The following LAMA2 variants were observed in gnomAD, a reference collection of about 807,000 sequenced individuals.
The protein encoded by LAMA2 is laminin subunit alpha 2.
A neutral mutation model predicts 364.8 loss-of-function variants in LAMA2; 269 were observed. The observed-to-expected ratio is 0.74, with a 90% confidence interval of 0.67 to 0.82. The LOEUF (loss-of-function observed/expected upper bound fraction) is 0.82. Among genes scored for constraint, LAMA2 ranks in the 40% least tolerant of loss-of-function variants. LAMA2 has a pLI of 0.00. For synonymous variants in LAMA2, 1,379 were observed against 1,370.6 expected, an observed-to-expected ratio of 1.01 and a Z score of -0.14; for missense variants, 3,807 against 3,873.2, an observed-to-expected ratio of 0.98 and a Z score of 0.45.
At chr6:129,192,570 G>GT (rs1052866176) in intron 11 of LAMA2, 110 bp from the exon 12 acceptor site, 169 of 1,028,574 alleles carry the variant, frequency 1.6e-4, no homozygotes, top group Middle Eastern at 8.4e-4. Flanking sequence ...TTGTGGTTTG[G>GT]TTTTTTTTGT....
intron 1 of LAMA2, among the ~76,000 whole-genome samples, chr6:128,938,972 A>G (rs1779999018): frequency 6.6e-6 from 1 of 152,164 alleles, no homozygotes; most frequent in Non-Finnish European, 1.5e-5. Flanking sequence ...CTTTCCACTT[A>G]GACTTTCACT....
At chr6:129,347,775 A>G (rs1198400175) in intron 30 of LAMA2, among the ~76,000 whole-genome samples, 1 of 152,184 alleles carries the variant, frequency 6.6e-6, no homozygotes, top group African/African-American at 2.4e-5. Flanking sequence ...AGTGAGATGG[A>G]ATCCCTACTC....
At chr6:129,455,496 C>T (rs1782913567) in intron 47 of LAMA2, among the ~76,000 whole-genome samples, 1 of 151,974 alleles carries the variant, frequency 6.6e-6, no homozygotes, top group Non-Finnish European at 1.5e-5. Context: ...CTTTTGTTAC[C>T]ATGTATTTCA....
At chr6:129,289,049 A>G (rs1206219800) in intron 19 of LAMA2, among the ~76,000 whole-genome samples, 1 of 152,206 alleles carries the variant, frequency 6.6e-6, no homozygotes, top group African/African-American at 2.4e-5. Flanking sequence ...TCATTAAGAA[A>G]TGTGTCTCTC....
chr6:129,251,040 T>TTC (rs66896334), intron 13 of LAMA2, among the ~76,000 whole-genome samples: 1,187 of 60,976 alleles, frequency 0.019, 18 homozygotes, highest in African/African-American at 0.032. Flanking sequence ...GTCTCTCTCT[T>TTC]TCTCTCTCTC....
chr6:129,335,574 A>C (rs551049708), intron 29 of LAMA2, among the ~76,000 whole-genome samples: 3 of 152,276 alleles, frequency 2.0e-5, no homozygotes, highest in African/African-American at 7.2e-5. Flanking sequence ...TTTAAAAAGA[A>C]AATAATAAAA....
intron 3 of LAMA2, among the ~76,000 whole-genome samples, chr6:129,079,025 C>T (rs1453722737): frequency 6.6e-6 from 1 of 152,112 alleles, no homozygotes; most frequent in Non-Finnish European, 1.5e-5. Context: ...TAAGTAGACT[C>T]ACACACACGT....
rs560667366 is a variant in LAMA2, at chr6:128,972,084, G to C, written c.113-77834G>C. On this transcript the variant is annotated intron_variant, in intron 1 of 64. Coordinates refer to ENST00000421865, the MANE Select transcript of LAMA2 (RefSeq NM_000426.4). ...TAGGTGCATAGAATGTTAGGTGTGA[G>C]AGGGGAGACCAGCCTGTTGGAAAGT... Among the ~76,000 whole-genome samples, 6 of 152,348 alleles carry C rather than the reference G, an allele frequency of 3.9e-5. No individual in the cohort carries two copies. The East Asian group carries it at 1.2e-3, about 29-fold the overall frequency.
intron 41 of LAMA2, among the ~76,000 whole-genome samples, chr6:129,435,215 T>A (rs1583742402): frequency 6.6e-6 from 1 of 152,176 alleles, no homozygotes; most frequent in African/African-American, 2.4e-5. Flanking sequence ...AACATTTGAA[T>A]GCTCCATTAT....
chr6:128,885,296 T>A (rs1209007980), intron 1 of LAMA2, among the ~76,000 whole-genome samples: 1 of 152,208 alleles, frequency 6.6e-6, no homozygotes, highest in African/African-American at 2.4e-5. Flanking sequence ...TGGATAGTGA[T>A]TTATGATTTA....
chr6:129,158,084 G>A lies in LAMA2; in HGVS notation c.1206+3401G>A, dbSNP rs142477933. On this transcript the variant is annotated intron_variant, in intron 8 of 64. Coordinates refer to ENST00000421865, the MANE Select transcript of LAMA2 (RefSeq NM_000426.4). ...TTCCTTGGGTGCCATACGTTTCTGTGTGCAGGTGGCACAGACCACAGGCAG... is the reference window on the plus strand; with the variant it reads ...TTCCTTGGGTGCCATACGTTTCTGTATGCAGGTGGCACAGACCACAGGCAG... 311 of 1,612,202 alleles carry A rather than the reference G, an allele frequency of 1.9e-4. 2 individuals are homozygous for A. The East Asian group carries it at 6.8e-3, about 35-fold the overall frequency.
At chr6:129,091,621 T>G (rs1420467454) in intron 3 of LAMA2, among the ~76,000 whole-genome samples, 1 of 152,192 alleles carries the variant, frequency 6.6e-6, no homozygotes, top group Non-Finnish European at 1.5e-5. Flanking sequence ...CAGTGACAAT[T>G]ACAAATCGTT....
intron 22 of LAMA2, among the ~76,000 whole-genome samples, chr6:129,308,697 TACCTGAG>T (rs1774030214): frequency 6.6e-6 from 1 of 152,080 alleles, no homozygotes; most frequent in Non-Finnish European, 1.5e-5. Flanking sequence ...TATAAAGAAA[TACCTGAG>T]ACTGATTATA....
At chr6:129,380,064 G>C (rs1778594675) in intron 34 of LAMA2, among the ~76,000 whole-genome samples, 1 of 152,078 alleles carries the variant, frequency 6.6e-6, no homozygotes, top group Non-Finnish European at 1.5e-5. Context: ...ATATGGCAAA[G>C]CACCTAACAA....
chr6:129,264,399 C>G lies in LAMA2; in HGVS notation c.2209-2707C>G, dbSNP rs1054647864. On this transcript the variant is annotated intron_variant, in intron 15 of 64. Transcript: ENST00000421865. ...GTTGGTGTGTGTGGGGGGGTGGGGG[C>G]ATGGAATCCATAGTCCAGTTTAGAA... Among the ~76,000 whole-genome samples the G allele has an allele frequency of 3.3e-5, 5 of 151,438 alleles. No homozygotes were observed. The East Asian group carries it at 9.7e-4, about 29-fold the overall frequency.
At chr6:129,216,100 G>A (rs569471494) in intron 12 of LAMA2, among the ~76,000 whole-genome samples, 13 of 152,236 alleles carry the variant, frequency 8.5e-5, no homozygotes, top group South Asian at 4.1e-4. Context: ...AGAGAATTTC[G>A]TTTTACAAAT....
At chr6:129,158,537 C>T (rs1174907645) in intron 8 of LAMA2, 8 of 1,613,966 alleles carry the variant, frequency 5.0e-6, no homozygotes, top group Middle Eastern at 3.3e-4. Context: ...ATGCTTCATC[C>T]TGTTCCAAAT....
chr6:129,383,214 G>A lies in LAMA2; in HGVS notation c.5052G>A (p.Glu1684=), dbSNP rs2114654134. ...AGTCCCTGGGAGAATTCATTAAGGA[G>A]CTTGCCCGGGATGCAGAAGGTATTA... ...RAKSLGEFIK[E]LARDAEAVNE... The change falls in exon 35 of 65, where the codon GAG becomes GAA. Residue 1684 remains glutamate, a synonymous_variant. Coordinates refer to ENST00000421865, the MANE Select transcript of LAMA2 (RefSeq NM_000426.4). The A allele has an allele frequency of 6.2e-7, 1 of 1,612,984 alleles. No homozygotes were observed. Among genetic ancestry groups the A allele is most frequent in the South Asian group, 1.1e-5 (1 of 90,910 alleles).
chr6:129,251,076 C>CTCTCTCTCTCTA (rs1491468271), intron 13 of LAMA2, among the ~76,000 whole-genome samples: 7 of 49,800 alleles, frequency 1.4e-4, no homozygotes, highest in Non-Finnish European at 2.2e-4. Flanking sequence ...CTCTCTCTCT[C>CTCTCTCTCTCTA]TATATATATA....
Sources: gnomAD v4.1 joint callset for allele counts (sites outside exome capture counted in the v4.1 genomes callset) on GRCh38, gnomAD v4.1.1 for gene constraint, MANE v1.5 for transcripts, NCBI Gene and HGNC (gene_info 2026-07-23, HGNC 2026-07-21) for gene names.